Variants in RETSAT observed in about 807,000 individuals in gnomAD.
RETSAT encodes all-trans-retinol 13,14-reductase.
A neutral mutation model predicts 61.6 loss-of-function variants in RETSAT; 35 were observed. That is an observed-to-expected ratio of 0.57 (90% confidence interval 0.43 to 0.75). The LOEUF (loss-of-function observed/expected upper bound fraction) is 0.75, where lower values mean the gene tolerates loss of function less well. Ranked by LOEUF, RETSAT falls within the 30% of genes least tolerant of loss-of-function variation. The pLI is 0.00. For synonymous variants in RETSAT, 277 were observed against 310.4 expected (o/e 0.89, Z 1.13); for missense variants, 670 against 759.5 (o/e 0.88, Z 1.38).
rs201163400 is a variant in RETSAT, at chr2:85,343,674, C to T, written c.1658G>A (p.Arg553Lys). Residue 553 changes from arginine (R) to lysine (K), a missense_variant, in exon 10 of 11, where the codon AGG becomes AAG. Transcript: ENST00000295802. Reference protein sequence around the residue: ...RLHPCVMASLRAQSPIPNLYL... With the variant: ...RLHPCVMASLKAQSPIPNLYL... ...GAGGTTGGGGATGGGGCTCTGGGCCCTCAAGGAGGCCATCACACAAGGGTG... is the reference window on the plus strand; with the variant it reads ...GAGGTTGGGGATGGGGCTCTGGGCCTTCAAGGAGGCCATCACACAAGGGTG... 1,096 of 1,607,632 alleles carry T rather than the reference C, an allele frequency of 6.8e-4. 13 individuals carry two copies. In the African/African-American group the frequency reaches 0.012, roughly 18 times the overall value.
intron 1 of RETSAT, among the ~76,000 whole-genome samples, chr2:85,352,570 C>G (rs1030864962): frequency 6.6e-6 from 1 of 151,888 alleles, no homozygotes; most frequent in African/African-American, 2.4e-5. Context: ...TTTATAGAGC[C>G]AAAGTCTTGC....
Position 85,350,250 on chromosome 2 carries a change from GT to G in RETSAT, c.598-10del. Reference sequence around the variant, plus strand: ...GCTCCACTGGATACCACCTGGGGGAGTGAATGAGGACAGCAGGCCTCACCTC... The same window carrying G: ...GCTCCACTGGATACCACCTGGGGGAGGAATGAGGACAGCAGGCCTCACCTC... On this transcript the variant is annotated splice_polypyrimidine_tract_variant and intron_variant, in intron 3 of 10. Coordinates refer to ENST00000295802, the MANE Select transcript of RETSAT (RefSeq NM_017750.4). 1 of 1,609,688 alleles carries G rather than the reference GT, an allele frequency of 6.2e-7. No homozygotes were observed. Among genetic ancestry groups the G allele is most frequent in the Admixed American group, 1.7e-5 (1 of 60,008 alleles).
chr2:85,343,906 G>A, intron 9 of RETSAT, 93 bp downstream of exon 9: 1 of 1,584,132 alleles, frequency 6.3e-7, no homozygotes. Context: ...CTTCCCTGGG[G>A]CTCATGTCTT....
chr2:85,349,082 G>T (rs533422346), intron 5 of RETSAT, among the ~76,000 whole-genome samples: 11 of 146,244 alleles, frequency 7.5e-5, no homozygotes, highest in Admixed American at 6.1e-4. Flanking sequence ...AAGAGACAGG[G>T]TTTAACCATG....
intron 3 of RETSAT, 33 bp from the exon 4 acceptor site, chr2:85,350,274 C>G (rs756019130): frequency 6.6e-7 from 1 of 1,521,032 alleles, no homozygotes; most frequent in East Asian, 2.3e-5. Context: ...CAGGCCTCAC[C>G]TCTAGAACCG....
chr2:85,347,813 C>A (rs142464015), intron 5 of RETSAT, among the ~76,000 whole-genome samples: 21 of 152,318 alleles, frequency 1.4e-4, no homozygotes, highest in African/African-American at 4.8e-4. Context: ...AAACCTTGCC[C>A]AACCAACAGC....
intron 5 of RETSAT, among the ~76,000 whole-genome samples, chr2:85,348,782 G>A (rs1037596277): frequency 4.0e-5 from 6 of 148,514 alleles, no homozygotes; most frequent in African/African-American, 7.5e-5. Context: ...ATGGCGTCTC[G>A]CTCTGTCGCC....
chr2:85,352,744 T>C (rs992500982), intron 1 of RETSAT, among the ~76,000 whole-genome samples: 8 of 152,198 alleles, frequency 5.3e-5, no homozygotes, highest in Non-Finnish European at 7.3e-5. Context: ...CTGGGTCTTA[T>C]GGTGGCTCTT....
At chr2:85,353,955 T>C (rs1378965792) in intron 1 of RETSAT, among the ~76,000 whole-genome samples, 1 of 151,980 alleles carries the variant, frequency 6.6e-6, no homozygotes, top group Non-Finnish European at 1.5e-5. Flanking sequence ...TCTGTGCTGC[T>C]CCCCCACACC....
chr2:85,344,722 C>G lies in RETSAT; in HGVS notation c.1128G>C (p.Gln376His). The G allele has an allele frequency of 6.2e-7, 1 of 1,614,080 alleles. No individual in the cohort carries two copies. Among genetic ancestry groups the G allele is most frequent in the Non-Finnish European group, 8.5e-7 (1 of 1,179,952 alleles). ...GNARCLPGVK[Q>H]QLGTVRPGLG... ...AGCCGGGCCGCACCGTCCCCAGTTG[C>G]TGCTTCACACCTGCCAGGGGGAGTG... is the stretch of plus-strand genomic sequence containing the variant. Residue 376 changes from glutamine (Q) to histidine (H), a missense_variant, in exon 7 of 11, where the codon CAG (glutamine) becomes CAC (histidine). Physicochemically the swap from Gln to His is conservative, Grantham distance 24. Transcript: ENST00000295802.
At position 85,354,476 on chromosome 2, in the gene RETSAT, ACAGC is replaced by A. The variant is rs1410162128; in HGVS notation, c.28_31del (p.Ala10CysfsTer35). 1.4e-5 allele frequency: 23 copies of A among 1,613,640 alleles called. No homozygotes were observed. The highest frequency in any genetic ancestry group is 1.9e-5 in the Non-Finnish European group (23 of 1,179,834). On this transcript the variant is annotated frameshift_variant, in exon 1 of 11. Coordinates refer to ENST00000295802, the MANE Select transcript of RETSAT (RefSeq NM_017750.4). LOFTEE classifies it high-confidence loss of function. ...TTTGCAGAGGACGGCCAGCAGCAGC[ACAGC>A]CAGGAGCAGCACCAGCGGAAGCCAC...
chr2:85,353,187 GGCTCACGCCTGT>G, intron 1 of RETSAT, among the ~76,000 whole-genome samples: 1 of 152,234 alleles, frequency 6.6e-6, no homozygotes, highest in Non-Finnish European at 1.5e-5. Context: ...CAGGCGTGAT[GGCTCACGCCTGT>G]AATCCCAACA....
At chr2:85,352,304 C>T (rs113984279) in intron 1 of RETSAT, among the ~76,000 whole-genome samples, 9,504 of 151,946 alleles carry the variant, frequency 0.063, 576 homozygotes, top group African/African-American at 0.16. Flanking sequence ...AGTGCAGTGG[C>T]GCAATCTCCG....
At chr2:85,345,937 G>T in intron 6 of RETSAT, 38 bp downstream of exon 6, 1 of 1,613,826 alleles carries the variant, frequency 6.2e-7, no homozygotes, top group South Asian at 1.1e-5. Context: ...GACACATTGG[G>T]GAACCTGCAA....
At chr2:85,346,307 T>C (rs1297066822) in intron 5 of RETSAT, among the ~76,000 whole-genome samples, 1 of 152,188 alleles carries the variant, frequency 6.6e-6, no homozygotes, top group Admixed American at 6.5e-5. Context: ...GGGCTTACTT[T>C]CCCTAGCTCT....
rs1429790193 is a variant in RETSAT at position 85,350,938 on chromosome 2, C to T, written c.439G>A (p.Ala147Thr). Residue 147 changes from alanine (A) to threonine (T), a missense_variant, in exon 3 of 11, where the codon GCT becomes ACT. Coordinates refer to ENST00000295802, the MANE Select transcript of RETSAT (RefSeq NM_017750.4). The stretch of plus-strand genomic sequence containing the variant: ...ATGTCAAAAGGAGAGGACAGGGGAG[C>T]CCAGTCCAGCTGCCCTTCAGTGATC... ...DQITEGQLDW[A>T]PLSSPFDIMV... 12 of 1,614,174 alleles carry T rather than the reference C, an allele frequency of 7.4e-6. No individual in the cohort carries two copies.
chr2:85,349,238 C>T (rs1573064226), intron 5 of RETSAT, 146 bp downstream of exon 5: 1 of 714,896 alleles, frequency 1.4e-6, no homozygotes, highest in East Asian at 2.6e-5. Context: ...TAATCACTAT[C>T]CCTGGACCCT....
intron 2 of RETSAT, chr2:85,351,343 T>C: frequency 2.3e-6 from 1 of 428,966 alleles, no homozygotes; most frequent in South Asian, 2.9e-5. Flanking sequence ...CTGGACAACA[T>C]GGAGAAACCC....
chr2:85,348,360 G>A (rs763071444), intron 5 of RETSAT, among the ~76,000 whole-genome samples: 5 of 152,132 alleles, frequency 3.3e-5, no homozygotes, highest in African/African-American at 7.2e-5. Flanking sequence ...GCTGGTCTCC[G>A]TGCCTGACGC....
Sources: gnomAD v4.1 joint callset for allele counts (sites outside exome capture counted in the v4.1 genomes callset) on GRCh38, gnomAD v4.1.1 for gene constraint, MANE v1.5 for transcripts, NCBI Gene and HGNC (gene_info 2026-07-23, HGNC 2026-07-21) for gene names.